The following ZZZ3 variants were observed in gnomAD, a reference collection of about 807,000 sequenced individuals.
The protein encoded by ZZZ3 is zinc finger ZZ-type containing 3.
A neutral mutation model predicts 95.2 loss-of-function variants in ZZZ3; 22 were observed. The observed-to-expected ratio is 0.23, with a 90% confidence interval of 0.17 to 0.33. The LOEUF (loss-of-function observed/expected upper bound fraction) is 0.33. Ranked by LOEUF, ZZZ3 falls within the 10% of genes least tolerant of loss-of-function variation. ZZZ3 has a pLI of 1.00. For missense variants in ZZZ3, 885 were observed against 1,066.5 expected, an observed-to-expected ratio of 0.83 and a Z score of 2.37; for synonymous variants, 335 against 358.9, an observed-to-expected ratio of 0.93 and a Z score of 0.75.
intron 12 of ZZZ3, among the ~76,000 whole-genome samples, chr1:77,575,801 TC>T (rs1337443944): frequency 6.6e-6 from 1 of 152,196 alleles, no homozygotes; most frequent in African/African-American, 2.4e-5. Flanking sequence ...TGGGACTTGC[TC>T]CAAAATAATC....
At chr1:77,610,710 A>G (rs2100728750) in intron 5 of ZZZ3, among the ~76,000 whole-genome samples, 1 of 152,086 alleles carries the variant, frequency 6.6e-6, no homozygotes, top group South Asian at 2.1e-4. Flanking sequence ...GACAAAAACT[A>G]TGATCATTTC....
chr1:77,670,407 C>T (rs956873993), intron 1 of ZZZ3, among the ~76,000 whole-genome samples: 21 of 152,030 alleles, frequency 1.4e-4, no homozygotes, highest in African/African-American at 5.1e-4. Flanking sequence ...ACTACAGGCA[C>T]ACTCCAGCAT....
intron 5 of ZZZ3, among the ~76,000 whole-genome samples, chr1:77,602,141 T>C (rs1161452932): frequency 6.6e-6 from 1 of 152,164 alleles, no homozygotes; most frequent in Non-Finnish European, 1.5e-5. Context: ...GTTGTAGCAA[T>C]ATGCAGAAAT....
Position 77,632,536 on chromosome 1 carries a change from C to T in ZZZ3, c.819G>A (p.Val273=), listed in dbSNP as rs749089885. Residue 273 remains valine, a synonymous_variant, in exon 5 of 15, where the codon GTG becomes GTA. Transcript: ENST00000370801. ...TTTTGTGGTCCTCCAACTTGACCTG[C>T]ACTTGTGAATCTGTGCAAGGCACCT... ...DHKVPCTDSQ[V]QVKLEDHKIV... is the part of the protein sequence containing the mutation. The T allele has an allele frequency of 6.8e-6, 11 of 1,614,072 alleles. No homozygotes were observed. The highest frequency in any genetic ancestry group is 1.7e-5 in the Admixed American group (1 of 60,008).
intron 5 of ZZZ3, among the ~76,000 whole-genome samples, chr1:77,607,919 CAAA>C (rs552924354): frequency 8.8e-5 from 5 of 56,942 alleles, no homozygotes; most frequent in Admixed American, 1.9e-4. Flanking sequence ...GACTCTGTCT[CAAA>C]AAAAAAAAAA....
At chr1:77,676,220 G>A (rs570044018) in intron 1 of ZZZ3, among the ~76,000 whole-genome samples, 3 of 152,344 alleles carry the variant, frequency 2.0e-5, no homozygotes, top group African/African-American at 7.2e-5. Flanking sequence ...AGGCTGGAGT[G>A]TAGGGGCGCA....
intron 5 of ZZZ3, among the ~76,000 whole-genome samples, chr1:77,627,382 C>T (rs569090495): frequency 3.3e-5 from 5 of 152,140 alleles, no homozygotes; most frequent in African/African-American, 1.2e-4. Context: ...AGGATGACTC[C>T]TCTAGTGATT....
intron 1 of ZZZ3, chr1:77,677,363 G>C (rs985072314): frequency 6.6e-6 from 1 of 152,056 alleles, no homozygotes; most frequent in African/African-American, 2.4e-5. Flanking sequence ...AAAGATGTTT[G>C]ACTGCAATAA....
intron 1 of ZZZ3, among the ~76,000 whole-genome samples, chr1:77,647,174 G>C (rs912760013): frequency 6.6e-6 from 1 of 151,988 alleles, no homozygotes; most frequent in Non-Finnish European, 1.5e-5. Context: ...AATAAGAATC[G>C]GAAAAAAATA....
intron 5 of ZZZ3, among the ~76,000 whole-genome samples, chr1:77,599,395 C>G (rs2100663198): frequency 6.6e-6 from 1 of 151,966 alleles, no homozygotes; most frequent in African/African-American, 2.4e-5. Flanking sequence ...CATACTTATA[C>G]TTGATGAAAA....
intron 1 of ZZZ3, among the ~76,000 whole-genome samples, chr1:77,664,824 T>C (rs1671116913): frequency 6.6e-6 from 1 of 152,210 alleles, no homozygotes; most frequent in African/African-American, 2.4e-5. Flanking sequence ...AGAAAGTTTA[T>C]TTTACACTAT....
chr1:77,649,071 G>A (rs1475176283), intron 1 of ZZZ3, among the ~76,000 whole-genome samples: 3 of 152,148 alleles, frequency 2.0e-5, no homozygotes, highest in African/African-American at 4.8e-5. Context: ...AGGCTGTAAT[G>A]AGCCGAGATT....
rs943870466 is a variant in ZZZ3, at chr1:77,682,439, AGGT to A, written c.-403+143_-403+145del. 14 of 152,780 alleles carry A rather than the reference AGGT, an allele frequency of 9.2e-5. No individual in the cohort carries two copies. In the Admixed American group the frequency reaches 9.2e-4, roughly 10 times the overall value. The allele number at this position is 152,780 out of a possible 1,614,324, so 9.5% of individuals were successfully genotyped here. A position where few individuals can be genotyped will look rare whatever the true frequency, so the allele number is the denominator to read the frequency against. ...GGCTGAGGGGTGCATATGCTTTTGC[AGGT>A]GGTGGAGCGCCCGCAGGGGGATGGG... On this transcript the variant is annotated intron_variant, in intron 1 of 14. Transcript: ENST00000370801.
intron 5 of ZZZ3, among the ~76,000 whole-genome samples, chr1:77,626,535 T>C (rs1215281898): frequency 6.6e-6 from 1 of 152,136 alleles, no homozygotes; most frequent in Non-Finnish European, 1.5e-5. Context: ...ACAATAGAGT[T>C]CGTGCTCCTA....
chr1:77,640,774 A>C (rs1668713882), intron 3 of ZZZ3, among the ~76,000 whole-genome samples: 1 of 152,192 alleles, frequency 6.6e-6, no homozygotes, highest in African/African-American at 2.4e-5. Flanking sequence ...TTTTGGGGAA[A>C]GCATTACAAC....
chr1:77,584,373 C>T, intron 6 of ZZZ3, 144 bp downstream of exon 6: 1 of 635,130 alleles, frequency 1.6e-6, no homozygotes, highest in Non-Finnish European at 2.4e-6. Flanking sequence ...AAGTTGGTAT[C>T]TTGCCTTAAG....
In ZZZ3 at chr1:77,632,381, C is replaced by T; in HGVS notation, c.974G>A (p.Ser325Asn). ...TTCTTTACACTGCTCTTTTGAGGCA[C>T]TGCTATCTCCCACCACATCTACTTC... ...EEEVDVVGDS[S>N]ASKEQCKENT... The change falls in exon 5 of 15, where the codon AGT becomes AAT. Residue 325 changes from serine to asparagine, a missense_variant. Transcript: ENST00000370801. The T allele has an allele frequency of 6.2e-7, 1 of 1,614,154 alleles. No individual in the cohort carries two copies. Among genetic ancestry groups the T allele is most frequent in the South Asian group, 1.1e-5 (1 of 91,082 alleles).
upstream of ZZZ3, chr1:77,683,344 C>T (rs930008121): frequency 4.6e-5 from 7 of 151,964 alleles, no homozygotes; most frequent in African/African-American, 1.7e-4. Flanking sequence ...ACGGCACTTG[C>T]TCGGGTGGCC....
chr1:77,593,214 A>C (rs1278608029), intron 5 of ZZZ3, among the ~76,000 whole-genome samples: 1 of 152,222 alleles, frequency 6.6e-6, no homozygotes, highest in Non-Finnish European at 1.5e-5. Flanking sequence ...GGAATTAATT[A>C]GTAAAGTTGA....
Sources: gnomAD v4.1 joint callset for allele counts (sites outside exome capture counted in the v4.1 genomes callset) on GRCh38, gnomAD v4.1.1 for gene constraint, MANE v1.5 for transcripts, NCBI Gene and HGNC (gene_info 2026-07-23, HGNC 2026-07-21) for gene names.